The following BCL7B variants were observed in gnomAD, a reference collection of about 807,000 sequenced individuals.
BCL7B encodes the protein B-cell CLL/lymphoma 7 protein family member B.
BCL7B carries 11 observed loss-of-function variants against 26.5 expected under a neutral mutation model. The observed-to-expected ratio is 0.42, with a 90% CI of 0.26 to 0.69. The LOEUF (loss-of-function observed/expected upper bound fraction) is 0.69, where lower values mean the gene tolerates loss of function less well. Among genes scored for constraint, BCL7B ranks in the 30% least tolerant of loss-of-function variants. The probability of loss-of-function intolerance (pLI) is 0.28; values close to 1 mark genes in which losing one functional copy is unlikely to be tolerated. For synonymous variants in BCL7B, 111 were observed against 107.9 expected (o/e 1.03, Z -0.18); for missense variants, 215 against 264.4 (o/e 0.81, Z 1.30).
Position 73,536,997 on chromosome 7 carries a change from T to C in BCL7B, c.*301A>G, listed in dbSNP as rs1791555774. 1 of 304,390 alleles carries C rather than the reference T, an allele frequency of 3.3e-6. No homozygotes were observed. The highest frequency in any genetic ancestry group is 6.2e-6 in the Non-Finnish European group (1 of 160,156). 18.9% of individuals were successfully genotyped at this position (304,390 alleles called of 1,614,324 possible). On this transcript the variant is annotated 3_prime_UTR_variant, in exon 6 of 6. Coordinates refer to ENST00000223368, the MANE Select transcript of BCL7B (RefSeq NM_001707.4). ...AGCTGCCAGCAGCTCCGTCCAGAGATTCTGGAGCAGAGACTGCTGCCTGGA... is the reference window on the plus strand; with the variant it reads ...AGCTGCCAGCAGCTCCGTCCAGAGACTCTGGAGCAGAGACTGCTGCCTGGA...
intron 1 of BCL7B, among the ~76,000 whole-genome samples, chr7:73,555,339 T>C (rs1792321298): frequency 6.8e-6 from 1 of 146,406 alleles, no homozygotes; most frequent in African/African-American, 2.6e-5. Flanking sequence ...GAAGCAGAGG[T>C]TGCCGTGAGC....
At chr7:73,556,113 G>A (rs1226750146) in intron 1 of BCL7B, among the ~76,000 whole-genome samples, 2 of 152,154 alleles carry the variant, frequency 1.3e-5, no homozygotes, top group Admixed American at 1.3e-4. Context: ...CCAAAACCTC[G>A]GAGGATTAAA....
intron 1 of BCL7B, chr7:73,557,249 G>A: frequency 9.0e-7 from 1 of 1,106,632 alleles, no homozygotes; most frequent in Non-Finnish European, 1.1e-6. Context: ...CCTCCCAGGC[G>A]GCGCGCGGCA....
chr7:73,537,924 G>T lies in BCL7B; in HGVS notation c.516+10C>A. 1 of 1,568,920 alleles carries T rather than the reference G, an allele frequency of 6.4e-7. No individual in the cohort carries two copies. Among genetic ancestry groups the T allele is most frequent in the Non-Finnish European group, 8.6e-7 (1 of 1,160,658 alleles). On this transcript the variant is annotated intron_variant, in intron 5 of 5. Coordinates refer to ENST00000223368, the MANE Select transcript of BCL7B (RefSeq NM_001707.4). ...AACAAAAAACTGGAAAACTCAAAGT[G>T]ATTGCTTACCTGTGTCTCTAGTGGA...
At chr7:73,548,711 A>C (rs1022152725) in intron 2 of BCL7B, among the ~76,000 whole-genome samples, 1 of 152,118 alleles carries the variant, frequency 6.6e-6, no homozygotes, top group African/African-American at 2.4e-5. Flanking sequence ...CGGGCGGATC[A>C]CCTGAGATCG....
At chr7:73,556,957 C>A in intron 1 of BCL7B, 2 of 989,592 alleles carry the variant, frequency 2.0e-6, no homozygotes, top group Non-Finnish European at 2.4e-6. Context: ...GCGCAGGGGC[C>A]GGTTACTGGG....
intron 2 of BCL7B, 35 bp downstream of exon 2, chr7:73,552,132 G>T: frequency 2.7e-4 from 368 of 1,369,642 alleles, no homozygotes; most frequent in Non-Finnish European, 3.5e-4. Flanking sequence ...AAGAAATAAA[G>T]AAAATGGTAT....
chr7:73,544,559 G>A (rs1219958617), intron 2 of BCL7B, among the ~76,000 whole-genome samples: 2 of 152,176 alleles, frequency 1.3e-5, no homozygotes, highest in Non-Finnish European at 2.9e-5. Context: ...CTGGGGGGTG[G>A]AAGTTGCAGT....
At chr7:73,548,762 C>T (rs1554583749) in intron 2 of BCL7B, among the ~76,000 whole-genome samples, 3 of 151,956 alleles carry the variant, frequency 2.0e-5, no homozygotes, top group Non-Finnish European at 4.4e-5. Context: ...GAACCCTAGT[C>T]TCTACTAAAA....
intron 3 of BCL7B, among the ~76,000 whole-genome samples, chr7:73,541,465 C>CT (rs781916545): frequency 0.028 from 3,764 of 136,528 alleles, 157 homozygotes; most frequent in African/African-American, 0.085. Flanking sequence ...ATACCCAGTA[C>CT]TTTTTTTTTT....
intron 3 of BCL7B, chr7:73,542,723 C>T: frequency 4.4e-6 from 1 of 226,934 alleles, no homozygotes; most frequent in Admixed American, 4.7e-5. Flanking sequence ...GGAGGCAGAA[C>T]ATGTCCTAAC....
rs782797511 is a variant in BCL7B at position 73,557,466 on chromosome 7, C to T, written c.92+21G>A. On this transcript the variant is annotated intron_variant, in intron 1 of 5. Coordinates refer to ENST00000223368, the MANE Select transcript of BCL7B (RefSeq NM_001707.4). The stretch of plus-strand genomic sequence containing the variant: ...CCTGGATCCGCGACCCCCGCCAGCC[C>T]CCTAAGCTCCGGCCCCTCACCATTT... 2.5e-5 allele frequency: 34 copies of T among 1,373,446 alleles called. 1 individual carries two copies. The Admixed American group carries it at 7.8e-4, about 31-fold the overall frequency. The allele number at this position is 1,373,446 out of a possible 1,614,324, so 85.1% of individuals were successfully genotyped here. A position where few individuals can be genotyped will look rare whatever the true frequency, so the allele number is the denominator to read the frequency against.
chr7:73,555,188 T>C (rs1245744213), intron 1 of BCL7B, among the ~76,000 whole-genome samples: 5 of 151,992 alleles, frequency 3.3e-5, no homozygotes, highest in Admixed American at 3.3e-4. Flanking sequence ...GGAGGACCAC[T>C]TGGAATTCAG....
Position 73,543,779 on chromosome 7 carries a change from A to T in BCL7B, c.169-135T>A, listed in dbSNP as rs1199890870. The T allele has an allele frequency of 7.8e-6, 5 of 644,576 alleles. No individual in the cohort carries two copies. The Admixed American group carries it at 1.4e-4, about 18-fold the overall frequency. The allele number at this position is 644,576 out of a possible 1,614,324, so 39.9% of individuals were successfully genotyped here. On this transcript the variant is annotated intron_variant, in intron 2 of 5. Transcript: ENST00000223368. Reference sequence around the variant, plus strand: ...AAAAACGACAGCAGCGTGAGAATCCAAGGACCCAAGGAAGAACAGAATCCT... The same window carrying T: ...AAAAACGACAGCAGCGTGAGAATCCTAGGACCCAAGGAAGAACAGAATCCT...
At chr7:73,544,159 G>A (rs1217755344) in intron 2 of BCL7B, among the ~76,000 whole-genome samples, 6 of 152,016 alleles carry the variant, frequency 3.9e-5, no homozygotes, top group East Asian at 3.9e-4. Flanking sequence ...ACTGGTTCAC[G>A]CCTGTAATCC....
At chr7:73,546,298 C>T (rs986564131) in intron 2 of BCL7B, among the ~76,000 whole-genome samples, 11 of 152,096 alleles carry the variant, frequency 7.2e-5, no homozygotes, top group African/African-American at 2.7e-4. Context: ...ATAAACAGAA[C>T]AGTCTGTACC....
intron 1 of BCL7B, chr7:73,556,951 A>G (rs1792383593): frequency 1.0e-6 from 1 of 989,862 alleles, no homozygotes; most frequent in Non-Finnish European, 1.2e-6. Context: ...CTCGCGGCGC[A>G]GGGGCCGGTT....
chr7:73,540,884 C>T (rs1298956653), intron 3 of BCL7B, among the ~76,000 whole-genome samples: 2 of 143,924 alleles, frequency 1.4e-5, no homozygotes, highest in African/African-American at 2.6e-5. Context: ...CAGTGGCTCA[C>T]GCCTGTAATC....
chr7:73,537,181 G>T lies in BCL7B; in HGVS notation c.*117C>A. ...CTACGCCAGCCTTCCAGCCCGGAAG[G>T]CTCATGTGTGCAGGCTCTTGACCCC... On this transcript the variant is annotated 3_prime_UTR_variant, in exon 6 of 6. Coordinates refer to ENST00000223368, the MANE Select transcript of BCL7B (RefSeq NM_001707.4). The T allele has an allele frequency of 1.1e-6, 1 of 907,964 alleles. No individual in the cohort carries two copies. Among genetic ancestry groups the T allele is most frequent in the Non-Finnish European group, 1.7e-6 (1 of 577,138 alleles). The allele number at this position is 907,964 out of a possible 1,614,324, so 56.2% of individuals were successfully genotyped here. A position where few individuals can be genotyped will look rare whatever the true frequency, so the allele number is the denominator to read the frequency against.
Sources: gnomAD v4.1 joint callset for allele counts (sites outside exome capture counted in the v4.1 genomes callset) on GRCh38, gnomAD v4.1.1 for gene constraint, MANE v1.5 for transcripts, NCBI Gene and HGNC (gene_info 2026-07-23, HGNC 2026-07-21) for gene names.